Variants in GPC3 observed in about 807,000 individuals in gnomAD.
The protein encoded by GPC3 is glypican 3.
In GPC3, 3 loss-of-function variants were observed where a neutral mutation model predicts 34.4. That is an observed-to-expected ratio of 0.09 (90% CI 0.04 to 0.23). GPC3 has a LOEUF of 0.23. GPC3 is among the 10% of genes least tolerant of loss of function. GPC3 has a pLI of 1.00. For missense variants in GPC3, 351 were observed against 445.6 expected, an observed-to-expected ratio of 0.79 and a Z score of 1.91; for synonymous variants, 177 against 174.0, an observed-to-expected ratio of 1.02 and a Z score of -0.13.
chrX:133,547,499 T>C (rs1169146218), intron 7 of GPC3, among the ~76,000 whole-genome samples: 2 of 111,220 alleles, frequency 1.8e-5, no homozygotes, highest in East Asian at 2.8e-4. Context: ...ATGGTACTCG[T>C]CTGTGCTTTG....
chrX:133,538,327 T>G (rs1283844119), intron 7 of GPC3, among the ~76,000 whole-genome samples: 1 of 111,888 alleles, frequency 8.9e-6, no homozygotes, highest in Non-Finnish European at 1.9e-5. Flanking sequence ...AGAGCACATA[T>G]GGCTAGATCT....
chrX:133,896,536 C>T (rs1339301013), intron 2 of GPC3, among the ~76,000 whole-genome samples: 4 of 111,429 alleles, frequency 3.6e-5, no homozygotes, highest in Non-Finnish European at 5.6e-5. Context: ...ATGGTATCTT[C>T]GGAAAGTAGG....
intron 2 of GPC3, among the ~76,000 whole-genome samples, chrX:133,860,555 A>G (rs1245989452): frequency 9.0e-6 from 1 of 111,681 alleles, no homozygotes; most frequent in Non-Finnish European, 1.9e-5. Flanking sequence ...ATTTAATCCT[A>G]ATAACATTTC....
intron 7 of GPC3, among the ~76,000 whole-genome samples, chrX:133,558,455 C>T (rs1443419809): frequency 1.8e-5 from 2 of 111,058 alleles, no homozygotes; most frequent in Non-Finnish European, 3.8e-5. Flanking sequence ...TTCTCTATAG[C>T]TTCTTTCTCT....
At chrX:133,543,940 C>T (rs2069361901) in intron 7 of GPC3, among the ~76,000 whole-genome samples, 2 of 111,880 alleles carry the variant, frequency 1.8e-5, no homozygotes, top group Non-Finnish European at 3.8e-5. Flanking sequence ...CTTAAAAACA[C>T]TGTTAGAGGT....
intron 2 of GPC3, among the ~76,000 whole-genome samples, chrX:133,853,724 A>G (rs5975433): frequency 0.12 from 12,933 of 111,992 alleles, 1,372 homozygotes; most frequent in African/African-American, 0.34. Flanking sequence ...GTAGTAGAGC[A>G]TAAGAAGTGC....
intron 2 of GPC3, among the ~76,000 whole-genome samples, chrX:133,864,255 G>C (rs189193757): frequency 9.0e-6 from 1 of 111,091 alleles, no homozygotes; most frequent in Non-Finnish European, 1.9e-5. Flanking sequence ...ATGAAGGGAA[G>C]GTTAAAGGGC....
At position 133,745,879 on chromosome X, in the gene GPC3, C is replaced by T. The variant is rs771003583; in HGVS notation, c.1032+7603G>A. Among the ~76,000 whole-genome samples, 7 of 112,368 alleles carry T rather than the reference C, an allele frequency of 6.2e-5. No individual in the cohort carries two copies. The South Asian group carries it at 2.6e-3, about 42-fold the overall frequency. On this transcript the variant is annotated intron_variant, in intron 3 of 7. Transcript: ENST00000370818. ...CTGACTACCCTTTGTTTCAGACTAT[C>T]CTTTTCAAGTATCTTTGTATAGCCA... is the stretch of plus-strand genomic sequence containing the variant.
chrX:133,538,972 C>T (rs1472230099), intron 7 of GPC3, among the ~76,000 whole-genome samples: 1 of 103,983 alleles, frequency 9.6e-6, no homozygotes, highest in Non-Finnish European at 2.0e-5. Context: ...CTGACCACCT[C>T]GGCCTCCCAA....
chrX:133,679,646 T>TTTTTA (rs945994089), intron 5 of GPC3, among the ~76,000 whole-genome samples: 5 of 110,535 alleles, frequency 4.5e-5, no homozygotes, highest in African/African-American at 1.3e-4. Flanking sequence ...TACTATTTAT[T>TTTTTA]TTTTATTTTA....
At chrX:133,610,627 T>G (rs1445822688) in intron 6 of GPC3, among the ~76,000 whole-genome samples, 2 of 106,859 alleles carry the variant, frequency 1.9e-5, no homozygotes, top group Non-Finnish European at 3.8e-5. Context: ...TCGTTCAACA[T>G]AATTCTTCTG....
chrX:133,825,615 A>G (rs1294099828), intron 2 of GPC3, among the ~76,000 whole-genome samples: 1 of 111,897 alleles, frequency 8.9e-6, no homozygotes, highest in East Asian at 2.8e-4. Flanking sequence ...GAATAAACAA[A>G]AGCTTAACAG....
At chrX:133,923,468 C>T (rs940849546) in intron 2 of GPC3, among the ~76,000 whole-genome samples, 7 of 111,511 alleles carry the variant, frequency 6.3e-5, no homozygotes, top group Non-Finnish European at 7.5e-5. Flanking sequence ...CTGAAATAGA[C>T]GGTAGGTCTT....
At chrX:133,793,105 A>T (rs1381495459) in intron 2 of GPC3, among the ~76,000 whole-genome samples, 3 of 111,825 alleles carry the variant, frequency 2.7e-5, no homozygotes, top group Non-Finnish European at 5.6e-5. Context: ...TCCTGGCATC[A>T]AAGTAGGCTG....
At chrX:133,786,745 A>G (rs2124507113) in intron 2 of GPC3, among the ~76,000 whole-genome samples, 1 of 111,381 alleles carries the variant, frequency 9.0e-6, no homozygotes, top group Admixed American at 9.5e-5. Flanking sequence ...CATTTTGCTG[A>G]GTTTTTTTTT....
intron 6 of GPC3, among the ~76,000 whole-genome samples, chrX:133,639,230 T>C (rs1289647972): frequency 8.9e-6 from 1 of 112,399 alleles, no homozygotes; most frequent in African/African-American, 3.2e-5. Context: ...CCATAAATTC[T>C]TCCCCAATTC....
At chrX:133,576,255 T>A (rs1470485710) in intron 7 of GPC3, among the ~76,000 whole-genome samples, 1 of 111,324 alleles carries the variant, frequency 9.0e-6, no homozygotes, top group Admixed American at 9.6e-5. Context: ...TTTGTTTGTT[T>A]TTTCCTGAGA....
intron 2 of GPC3, among the ~76,000 whole-genome samples, chrX:133,932,995 G>A (rs1012071456): frequency 5.4e-5 from 6 of 111,095 alleles, no homozygotes; most frequent in Non-Finnish European, 9.4e-5. Context: ...AGCGCTATTT[G>A]GTTTAATATG....
At chrX:133,848,386 C>T (rs967160138) in intron 2 of GPC3, among the ~76,000 whole-genome samples, 3 of 111,861 alleles carry the variant, frequency 2.7e-5, no homozygotes, top group African/African-American at 9.8e-5. Context: ...TGGAATTCAT[C>T]CCATAGAGCA....
Sources: gnomAD v4.1 joint callset for allele counts (sites outside exome capture counted in the v4.1 genomes callset) on GRCh38, gnomAD v4.1.1 for gene constraint, MANE v1.5 for transcripts, NCBI Gene and HGNC (gene_info 2026-07-23, HGNC 2026-07-21) for gene names.